The following EML6 variants were observed in gnomAD, a reference collection of about 807,000 sequenced individuals.
EML6 encodes the protein echinoderm microtubule-associated protein-like 6.
EML6 carries 154 observed loss-of-function variants against 240.1 expected under a neutral mutation model. The observed-to-expected ratio is 0.64, with a 90% CI of 0.56 to 0.73. The LOEUF (loss-of-function observed/expected upper bound fraction) is 0.73, where lower values mean the gene tolerates loss of function less well. Ranked by LOEUF, EML6 falls within the 30% of genes least tolerant of loss-of-function variation. EML6 has a pLI of 0.00. For synonymous variants in EML6, 1,148 were observed against 899.0 expected (o/e 1.28, Z -4.95); for missense variants, 2,964 against 2,474.6 (o/e 1.20, Z -4.20).
At chr2:54,793,085 T>C (rs1669546453) in intron 2 of EML6, among the ~76,000 whole-genome samples, 1 of 152,132 alleles carries the variant, frequency 6.6e-6, no homozygotes, top group East Asian at 1.9e-4. Flanking sequence ...CTCGTCAACA[T>C]CGTGTAACTC....
In EML6 at chr2:54,950,568, G is replaced by A. The variant is rs1305287854; in HGVS notation, c.4084-82G>A. The A allele has an allele frequency of 2.0e-5, 30 of 1,471,818 alleles. 1 individual carries two copies. Among genetic ancestry groups the A allele is most frequent in the Non-Finnish European group, 2.4e-5 (26 of 1,087,788 alleles). The allele number at this position is 1,471,818 out of a possible 1,614,324, so 91.2% of individuals were successfully genotyped here. On this transcript the variant is annotated intron_variant, in intron 29 of 41. Coordinates refer to ENST00000356458, the MANE Select transcript of EML6 (RefSeq NM_001039753.4). ...CCATACCGTTCCTGGGACACACGAGGCTGCTCACGCAATGTGGGTGTGTTC... is the reference window on the plus strand; with the variant it reads ...CCATACCGTTCCTGGGACACACGAGACTGCTCACGCAATGTGGGTGTGTTC...
intron 2 of EML6, among the ~76,000 whole-genome samples, chr2:54,768,368 T>G (rs980764347): frequency 6.6e-6 from 1 of 152,188 alleles, no homozygotes; most frequent in South Asian, 2.1e-4. Flanking sequence ...ATCTCAAGGA[T>G]GACATGCAAG....
rs140147165 is a variant in EML6, at chr2:54,797,445, T to G, written c.198-15787T>G. ...TGCTTAGGATACACCTTAAACAAAT[T>G]AAGTCATGATTTCATACACAGGTAT... On this transcript the variant is annotated intron_variant, in intron 2 of 41. Coordinates refer to ENST00000356458, the MANE Select transcript of EML6 (RefSeq NM_001039753.4). Among the ~76,000 whole-genome samples, 565 of 152,182 alleles carry G rather than the reference T, an allele frequency of 3.7e-3. 7 individuals carry two copies. The highest frequency in any genetic ancestry group is 0.013 in the African/African-American group (541 of 41,504).
intron 21 of EML6, among the ~76,000 whole-genome samples, chr2:54,895,612 A>G (rs1672721828): frequency 6.6e-6 from 1 of 152,248 alleles, no homozygotes; most frequent in Non-Finnish European, 1.5e-5. Flanking sequence ...TCTGTGGATC[A>G]GGAATCTGAG....
intron 8 of EML6, among the ~76,000 whole-genome samples, chr2:54,845,655 A>G (rs993936701): frequency 8.5e-5 from 13 of 152,204 alleles, no homozygotes; most frequent in African/African-American, 2.9e-4. Context: ...TACATTGCTT[A>G]AAATAGTACA....
Position 54,827,652 on chromosome 2 carries a change from A to G in EML6, c.612A>G (p.Ala204=), listed in dbSNP as rs1333009361. ...ATCTTCAGACCATCCTTTGCCTTGCATGTGCCAAAGAAGACATCACCTACT... is the reference window on the plus strand; with the variant it reads ...ATCTTCAGACCATCCTTTGCCTTGCGTGTGCCAAAGAAGACATCACCTACT... ...TGDLQTILCL[A]CAKEDITYSG... The change falls in exon 6 of 42, where the codon GCA becomes GCG. Residue 204 remains alanine (A), a synonymous_variant. Transcript: ENST00000356458. The G allele has an allele frequency of 2.6e-6, 4 of 1,551,560 alleles. No individual in the cohort carries two copies. The highest frequency in any genetic ancestry group is 2.7e-5 in the African/African-American group (2 of 73,050).
intron 24 of EML6, among the ~76,000 whole-genome samples, chr2:54,909,791 C>A (rs533923144): frequency 6.1e-5 from 9 of 146,700 alleles, no homozygotes; most frequent in African/African-American, 2.3e-4. Context: ...TTGCAGTGAG[C>A]CAAGATTACA....
Position 54,903,572 on chromosome 2 carries a change from A to G in EML6, c.3409+70A>G. On this transcript the variant is annotated intron_variant, in intron 24 of 41. Coordinates refer to ENST00000356458, the MANE Select transcript of EML6 (RefSeq NM_001039753.4). Reference sequence around the variant, plus strand: ...AAATGTCCATTTATGCATTGTTTCTAGAGAGAATGGCAGTTGAGTGTTAGA... The same window carrying G: ...AAATGTCCATTTATGCATTGTTTCTGGAGAGAATGGCAGTTGAGTGTTAGA... 4 of 1,339,834 alleles carry G rather than the reference A, an allele frequency of 3.0e-6. No individual in the cohort carries two copies. The South Asian group carries it at 4.3e-5, about 14-fold the overall frequency. 83.0% of individuals were successfully genotyped at this position (1,339,834 alleles called of 1,614,324 possible). A position where few individuals can be genotyped will look rare whatever the true frequency, so the allele number is the denominator to read the frequency against.
intron 32 of EML6, among the ~76,000 whole-genome samples, chr2:54,954,931 C>A (rs1676161776): frequency 6.6e-6 from 1 of 152,208 alleles, no homozygotes; most frequent in South Asian, 2.1e-4. Context: ...CTTCTCCCAT[C>A]CAGGGCTCTG....
At chr2:54,802,405 C>G (rs1300137684) in intron 2 of EML6, among the ~76,000 whole-genome samples, 1 of 151,422 alleles carries the variant, frequency 6.6e-6, no homozygotes, top group Admixed American at 6.6e-5. Context: ...GCGGGCAGAT[C>G]GCTTGAGCCC....
At position 54,829,455 on chromosome 2, in the gene EML6, G is replaced by T; in HGVS notation, c.825G>T (p.Arg275Ser). 6.4e-7 allele frequency: 1 copy of T among 1,551,622 alleles called. No individual in the cohort carries two copies. Among genetic ancestry groups the T allele is most frequent in the African/African-American group, 1.4e-5 (1 of 73,114 alleles). ...DFKPITKIDL[R>S]ETEQGYKGLS... ...AACCAATAACCAAAATTGATCTCAGGGAGACAGAACAAGGATACAAAGGTA... is the reference window on the plus strand; with the variant it reads ...AACCAATAACCAAAATTGATCTCAGTGAGACAGAACAAGGATACAAAGGTA... The change falls in exon 7 of 42, where the codon AGG (arginine) becomes AGT (serine). Residue 275 changes from arginine (R) to serine (S), a missense_variant. Arg to Ser is a moderately radical substitution (Grantham distance 110). Coordinates refer to ENST00000356458, the MANE Select transcript of EML6 (RefSeq NM_001039753.4).
At chr2:54,911,924 T>C (rs1673663590) in intron 25 of EML6, among the ~76,000 whole-genome samples, 1 of 152,244 alleles carries the variant, frequency 6.6e-6, no homozygotes, top group South Asian at 2.1e-4. Context: ...ATGGCTTTTG[T>C]AGATGCGTAC....
At chr2:54,872,697 C>T (rs1232642434) in intron 16 of EML6, among the ~76,000 whole-genome samples, 1 of 152,222 alleles carries the variant, frequency 6.6e-6, no homozygotes, top group Non-Finnish European at 1.5e-5. Context: ...AGTGCTCCTT[C>T]ACATCTGTCT....
intron 28 of EML6, among the ~76,000 whole-genome samples, chr2:54,946,136 C>G (rs1299614825): frequency 1.3e-5 from 2 of 152,230 alleles, no homozygotes; most frequent in African/African-American, 4.8e-5. Flanking sequence ...TGTTTGCTGT[C>G]TTGCCAGGCT....
intron 28 of EML6, among the ~76,000 whole-genome samples, chr2:54,945,666 A>T (rs531780498): frequency 1.3e-5 from 2 of 152,074 alleles, no homozygotes; most frequent in Non-Finnish European, 2.9e-5. Context: ...ATGCTCTTAC[A>T]CATTTCAGGT....
chr2:54,834,986 C>T (rs1243235452), intron 7 of EML6, among the ~76,000 whole-genome samples: 2 of 152,204 alleles, frequency 1.3e-5, no homozygotes, highest in African/African-American at 4.8e-5. Flanking sequence ...AGTCAAAGTC[C>T]TTATGGCAGC....
At chr2:54,789,716 A>C (rs1669323571) in intron 2 of EML6, among the ~76,000 whole-genome samples, 1 of 152,064 alleles carries the variant, frequency 6.6e-6, no homozygotes, top group African/African-American at 2.4e-5. Flanking sequence ...CATGATATCC[A>C]GAAGGGAGTT....
intron 5 of EML6, among the ~76,000 whole-genome samples, chr2:54,820,953 A>G (rs993579005): frequency 5.9e-5 from 9 of 152,130 alleles, no homozygotes; most frequent in African/African-American, 2.2e-4. Context: ...ATCTTCCTCT[A>G]GACTACACTC....
intron 32 of EML6, among the ~76,000 whole-genome samples, chr2:54,957,483 A>C (rs1190481433): frequency 6.6e-6 from 1 of 151,170 alleles, no homozygotes; most frequent in East Asian, 2.0e-4. Context: ...GGGATGGGGG[A>C]TATCTTTAAG....
Sources: gnomAD v4.1 joint callset for allele counts (sites outside exome capture counted in the v4.1 genomes callset) on GRCh38, gnomAD v4.1.1 for gene constraint, MANE v1.5 for transcripts, NCBI Gene and HGNC (gene_info 2026-07-23, HGNC 2026-07-21) for gene names.